ASAP1: variants seen among roughly 807,000 people sequenced by gnomAD.
ASAP1 encodes ArfGAP with SH3 domain, ankyrin repeat and PH domain 1.
A neutral mutation model predicts 145.2 loss-of-function variants in ASAP1; 43 were observed. The observed-to-expected ratio is 0.30, with a 90% CI of 0.23 to 0.38. The LOEUF (loss-of-function observed/expected upper bound fraction) is 0.38. ASAP1 is among the 10% of genes least tolerant of loss of function. ASAP1 has a pLI of 1.00. For missense variants in ASAP1, 1,018 were observed against 1,355.3 expected (o/e 0.75, Z 3.91); for synonymous variants, 546 against 515.5 (o/e 1.06, Z -0.80).
intron 3 of ASAP1, among the ~76,000 whole-genome samples, chr8:130,322,946 T>C (rs1428480341): frequency 3.9e-5 from 6 of 152,146 alleles, no homozygotes; most frequent in Non-Finnish European, 7.4e-5. Flanking sequence ...AAAACACCCA[T>C]AGGACCAGTT....
chr8:130,230,886 TG>T (rs1242744767), intron 4 of ASAP1, among the ~76,000 whole-genome samples: 3 of 152,250 alleles, frequency 2.0e-5, no homozygotes, highest in Admixed American at 6.5e-5. Context: ...TTCTCCCCAC[TG>T]AAAACCGCAG....
At chr8:130,133,424 A>G (rs2097586318) in intron 15 of ASAP1, among the ~76,000 whole-genome samples, 1 of 151,904 alleles carries the variant, frequency 6.6e-6, no homozygotes, top group Non-Finnish European at 1.5e-5. Flanking sequence ...TGGGAGGCCG[A>G]GGCGGGTGGA....
At chr8:130,242,553 T>G (rs1818603217) in intron 3 of ASAP1, among the ~76,000 whole-genome samples, 1 of 152,044 alleles carries the variant, frequency 6.6e-6, no homozygotes, top group Admixed American at 6.6e-5. Context: ...GAGTGAGGAT[T>G]GAAGAGCAAT....
Position 130,118,600 on chromosome 8 carries a change from T to C in ASAP1, c.1683A>G (p.Ser561=), listed in dbSNP as rs758938928. ...CCTCAAGCAATTCATTTAGTTTAGC[T>C]GATGAAGTTGAACAGGTCTTCCTTG... is the stretch of plus-strand genomic sequence containing the variant. ...RFSRKTCSTS[S]AKLNELLEAI... The change falls in exon 19 of 30, where the codon TCA becomes TCG. Residue 561 remains serine, a synonymous_variant. Coordinates refer to ENST00000518721, the MANE Select transcript of ASAP1 (RefSeq NM_018482.4). 1.2e-5 allele frequency: 19 copies of C among 1,613,972 alleles called. No homozygotes were observed. In the East Asian group the frequency reaches 3.8e-4, roughly 32 times the overall value.
chr8:130,418,848 T>C (rs766435109), intron 1 of ASAP1, among the ~76,000 whole-genome samples: 10 of 152,090 alleles, frequency 6.6e-5, no homozygotes, highest in Non-Finnish European at 1.3e-4. Flanking sequence ...AAACTCCTAG[T>C]TGAACTCTGA....
chr8:130,107,658 C>A (rs1034530426), intron 24 of ASAP1, among the ~76,000 whole-genome samples: 2 of 152,106 alleles, frequency 1.3e-5, no homozygotes, highest in Admixed American at 6.5e-5. Flanking sequence ...AGCAATTCTC[C>A]TGCCTCAGAA....
chr8:130,123,599 CA>C (rs1276387361), intron 18 of ASAP1, among the ~76,000 whole-genome samples: 1 of 152,092 alleles, frequency 6.6e-6, no homozygotes, highest in Admixed American at 6.6e-5. Flanking sequence ...AACAAACAAA[CA>C]AACAAACAAA....
chr8:130,370,908 A>G (rs571036499), intron 2 of ASAP1, among the ~76,000 whole-genome samples: 1 of 152,358 alleles, frequency 6.6e-6, no homozygotes, highest in African/African-American at 2.4e-5. Flanking sequence ...GTAATGTGCA[A>G]TGACTACCAG....
At chr8:130,423,990 TGC>T (rs2138724264) in intron 1 of ASAP1, among the ~76,000 whole-genome samples, 1 of 152,332 alleles carries the variant, frequency 6.6e-6, no homozygotes, top group African/African-American at 2.4e-5. Context: ...TAAAATTGAC[TGC>T]GGCGATGGCT....
rs1364329493 is a variant in ASAP1 at position 130,196,830 on chromosome 8, ATAAACTGGGTATTCTGTC to A, written c.406-8665_406-8648del. Among the ~76,000 whole-genome samples the A allele has an allele frequency of 2.0e-5, 3 of 152,248 alleles. No homozygotes were observed. In the East Asian group the frequency reaches 5.8e-4, roughly 29 times the overall value. On this transcript the variant is annotated intron_variant, in intron 5 of 29. Transcript: ENST00000518721. ...GTAGTTAAGTCTGCGATTCCCTGGT[ATAAACTGGGTATTCTGTC>A]TAGTATATTAACTCCTTCATGCCCT...
chr8:130,411,803 T>C (rs999655298), intron 1 of ASAP1, among the ~76,000 whole-genome samples: 3 of 152,150 alleles, frequency 2.0e-5, no homozygotes, highest in Non-Finnish European at 2.9e-5. Context: ...ACCATAGGCA[T>C]GTTTTATGTG....
chr8:130,431,095 G>C (rs2138779621), intron 1 of ASAP1, among the ~76,000 whole-genome samples: 1 of 152,218 alleles, frequency 6.6e-6, no homozygotes, highest in East Asian at 1.9e-4. Context: ...CTTGCCAACT[G>C]GCCAGAAATC....
chr8:130,406,682 C>T (rs1486066738), intron 1 of ASAP1, among the ~76,000 whole-genome samples: 2 of 152,004 alleles, frequency 1.3e-5, no homozygotes, highest in Admixed American at 6.6e-5. Context: ...GGGGTTTCAT[C>T]ATGTTGACCA....
At chr8:130,173,910 T>TA (rs964564468) in intron 9 of ASAP1, among the ~76,000 whole-genome samples, 36 of 140,976 alleles carry the variant, frequency 2.6e-4, no homozygotes, top group East Asian at 1.4e-3. Flanking sequence ...TTGTCTCTAC[T>TA]AAAAAAAAAA....
chr8:130,102,085 A>C (rs1004412201), intron 24 of ASAP1, among the ~76,000 whole-genome samples: 2 of 152,066 alleles, frequency 1.3e-5, no homozygotes, highest in African/African-American at 4.8e-5. Context: ...GATGCCCTTT[A>C]TTGCATTCTC....
chr8:130,349,658 C>CTACCTAT (rs1565233810), intron 3 of ASAP1, among the ~76,000 whole-genome samples: 1 of 152,178 alleles, frequency 6.6e-6, no homozygotes, highest in Non-Finnish European at 1.5e-5. Flanking sequence ...AGAGAGCAGT[C>CTACCTAT]CTACCTATCT....
intron 25 of ASAP1, chr8:130,083,745 A>C (rs2097486536): frequency 6.6e-6 from 1 of 152,236 alleles, no homozygotes; most frequent in Non-Finnish European, 1.5e-5. Flanking sequence ...ATGAGTGGTC[A>C]CTTCAAAGAA....
At position 130,284,984 on chromosome 8, in the gene ASAP1, C is replaced by T. The variant is rs144209331; in HGVS notation, c.187-47990G>A. Reference sequence around the variant, plus strand: ...GGTCCTAATGCCTGTGAAACAGGAACTGGAAAACCTCTCCCATCCACACCC... The same window carrying T: ...GGTCCTAATGCCTGTGAAACAGGAATTGGAAAACCTCTCCCATCCACACCC... On this transcript the variant is annotated intron_variant, in intron 3 of 29. Coordinates refer to ENST00000518721, the MANE Select transcript of ASAP1 (RefSeq NM_018482.4). 3.3e-3 allele frequency among the ~76,000 whole-genome samples: 507 copies of T among 152,066 alleles called. 1 individual carries two copies. Among genetic ancestry groups the T allele is most frequent in the African/African-American group, 0.011 (454 of 41,454 alleles).
intron 3 of ASAP1, among the ~76,000 whole-genome samples, chr8:130,353,345 A>T (rs1193134510): frequency 6.6e-6 from 1 of 152,164 alleles, no homozygotes; most frequent in Non-Finnish European, 1.5e-5. Flanking sequence ...TCATATCCAA[A>T]TCTTCGAAAG....
Sources: allele counts gnomAD v4.1 joint callset (sites outside exome capture counted in the v4.1 genomes callset), GRCh38; gene constraint gnomAD v4.1.1; transcripts MANE v1.5; gene names NCBI Gene and HGNC (gene_info 2026-07-23, HGNC 2026-07-21).